Variants in FAM210A observed in about 807,000 individuals in gnomAD.
FAM210A encodes family with sequence similarity 210 member A.
In FAM210A, 13 loss-of-function variants were observed where a neutral mutation model predicts 25.3. The ratio of observed to expected loss-of-function variants is 0.51; its 90% CI spans 0.33 to 0.82. The LOEUF (loss-of-function observed/expected upper bound fraction) is 0.82. Among genes scored for constraint, FAM210A ranks in the 40% least tolerant of loss-of-function variants. FAM210A has a pLI of 0.02. For synonymous variants in FAM210A, 125 were observed against 118.7 expected (o/e 1.05, Z -0.35); for missense variants, 319 against 323.2 (o/e 0.99, Z 0.10).
At chr18:13,713,686 T>C (rs1047320336) in intron 1 of FAM210A, among the ~76,000 whole-genome samples, 1 of 149,150 alleles carries the variant, frequency 6.7e-6, no homozygotes, top group Non-Finnish European at 1.5e-5. Flanking sequence ...CATCTTCCAC[T>C]GCTTCCGTGA....
chr18:13,686,400 G>C (rs567740556), intron 1 of FAM210A, among the ~76,000 whole-genome samples: 1 of 152,118 alleles, frequency 6.6e-6, no homozygotes, highest in Non-Finnish European at 1.5e-5. Context: ...ATAGCTTAAC[G>C]TATAGCCAAT....
Position 13,681,751 on chromosome 18 carries a change from C to T in FAM210A, c.327G>A (p.Lys109=), listed in dbSNP as rs34798758. The change falls in exon 2 of 4, where the codon AAG becomes AAA. Residue 109 remains lysine, a synonymous_variant. Coordinates refer to ENST00000651643, the MANE Select transcript of FAM210A (RefSeq NM_152352.4). ...SATAQGTPEK[K]EEPDPLQDKS... ...TGTCTTGCAAAGGATCAGGCTCTTC[C>T]TTTTTTTCCGGAGTTCCCTGAGCTG... 5,733 of 1,614,110 alleles carry T rather than the reference C, an allele frequency of 3.6e-3. 121 individuals carry two copies. In the African/African-American group the frequency reaches 0.04, roughly 11 times the overall value.
Position 13,682,010 on chromosome 18 carries a change from G to C in FAM210A, c.68C>G (p.Ala23Gly), listed in dbSNP as rs769212391. Residue 23 changes from alanine (A) to glycine (G), a missense_variant, in exon 2 of 4, where the codon GCT (alanine) becomes GGT (glycine). By Grantham distance (60) the Ala-to-Gly change is moderately conservative (BLOSUM62 0). Transcript: ENST00000651643. ...ATTTTGACAGTGTCCAAAGAGACCA[G>C]CATTATGTGGTTCCAAGCATGTCCT... ...ARRTCLEPHN[A>G]GLFGHCQNVK... 6.2e-7 allele frequency: 1 copy of C among 1,613,926 alleles called. No individual in the cohort carries two copies. The highest frequency in any genetic ancestry group is 8.5e-7 in the Non-Finnish European group (1 of 1,179,986).
chr18:13,676,473 T>C (rs1013806191), intron 2 of FAM210A, among the ~76,000 whole-genome samples: 3 of 151,806 alleles, frequency 2.0e-5, no homozygotes, highest in Non-Finnish European at 4.4e-5. Flanking sequence ...TCCTGATTAT[T>C]AACATTCCTG....
chr18:13,701,982 T>A (rs982593274), intron 1 of FAM210A, among the ~76,000 whole-genome samples: 2 of 152,238 alleles, frequency 1.3e-5, no homozygotes, highest in African/African-American at 4.8e-5. Flanking sequence ...GCCAGTTCGA[T>A]AATTTGGCGC....
chr18:13,691,282 GGTGTACCT>G (rs560328085), intron 1 of FAM210A, among the ~76,000 whole-genome samples: 76 of 152,312 alleles, frequency 5.0e-4, no homozygotes, highest in African/African-American at 1.8e-3. Flanking sequence ...ACGTCTGATT[GGTGTACCT>G]GAAAGTGATG....
intron 1 of FAM210A, among the ~76,000 whole-genome samples, chr18:13,725,899 G>C (rs879681290): frequency 5.3e-5 from 8 of 152,264 alleles, no homozygotes; most frequent in Non-Finnish European, 1.0e-4. Flanking sequence ...GGTAAGAATG[G>C]CCTCTTGTGG....
intron 1 of FAM210A, among the ~76,000 whole-genome samples, chr18:13,706,696 T>C (rs559455003): frequency 1.1e-3 from 163 of 152,308 alleles, no homozygotes; most frequent in African/African-American, 3.8e-3. Flanking sequence ...GTTTCTACTG[T>C]AAAGGCTATT....
At chr18:13,696,702 A>G (rs1467541222) in intron 1 of FAM210A, among the ~76,000 whole-genome samples, 1 of 152,244 alleles carries the variant, frequency 6.6e-6, no homozygotes, top group Non-Finnish European at 1.5e-5. Flanking sequence ...CATTTTTAAC[A>G]AAAAGTTTAA....
Position 13,682,000 on chromosome 18 carries a change from A to G in FAM210A, c.78T>C (p.Phe26=). Residue 26 remains phenylalanine, a synonymous_variant, in exon 2 of 4, where the codon TTT becomes TTC. Coordinates refer to ENST00000651643, the MANE Select transcript of FAM210A (RefSeq NM_152352.4). Reference sequence around the variant, plus strand: ...GTCCCTTTACATTTTGACAGTGTCCAAAGAGACCAGCATTATGTGGTTCCA... The same window carrying G: ...GTCCCTTTACATTTTGACAGTGTCCGAAGAGACCAGCATTATGTGGTTCCA... ...TCLEPHNAGL[F]GHCQNVKGPL... is the part of the protein sequence containing the mutation. 5 of 1,614,208 alleles carry G rather than the reference A, an allele frequency of 3.1e-6. No homozygotes were observed. Among genetic ancestry groups the G allele is most frequent in the Middle Eastern group, 1.6e-4 (1 of 6,062 alleles).
intron 3 of FAM210A, among the ~76,000 whole-genome samples, chr18:13,671,270 G>C (rs2043439610): frequency 6.6e-6 from 1 of 151,776 alleles, no homozygotes; most frequent in Non-Finnish European, 1.5e-5. Context: ...TAAACTCTCT[G>C]CTCCTTAAAA....
rs1415063613 is a variant in FAM210A, at chr18:13,671,878, G to C, written c.569C>G (p.Ala190Gly). The change falls in exon 3 of 4, where the codon GCA (alanine) becomes GGA (glycine). Residue 190 changes from alanine (A) to glycine (G), a missense_variant. Physicochemically the swap from Ala to Gly is moderately conservative, Grantham distance 60. Transcript: ENST00000651643. The stretch of plus-strand genomic sequence containing the variant: ...AGTACCCACCTTAAACAAGGCATAT[G>C]CTGTGAGGGCATTTCCACTCTGGGA... ...KNSQSGNALTAYALFKIATPA... is the reference protein window; with the variant it reads ...KNSQSGNALTGYALFKIATPA... The C allele has an allele frequency of 1.2e-6, 2 of 1,611,890 alleles. No homozygotes were observed. The highest frequency in any genetic ancestry group is 1.7e-5 in the Admixed American group (1 of 59,960).
chr18:13,674,950 A>T (rs1193006678), intron 2 of FAM210A, among the ~76,000 whole-genome samples: 30 of 126,900 alleles, frequency 2.4e-4, no homozygotes, highest in Admixed American at 2.3e-3. Flanking sequence ...ACTTATTTCC[A>T]GTTTCCTGAT....
At chr18:13,717,753 C>G (rs893730990) in intron 1 of FAM210A, among the ~76,000 whole-genome samples, 5 of 152,212 alleles carry the variant, frequency 3.3e-5, no homozygotes, top group Middle Eastern at 3.4e-3. Context: ...CCCAATGCAC[C>G]AGAATGTCAG....
At position 13,706,977 on chromosome 18, in the gene FAM210A, G is replaced by T. The variant is rs558886084; in HGVS notation, c.-29+19352C>A. On this transcript the variant is annotated intron_variant, in intron 1 of 3. Transcript: ENST00000651643. ...GTAAGAAGCATACTCCAAACTCTTG[G>T]TACTATCCTCCCGACAGTCATGATA... Among the ~76,000 whole-genome samples the T allele has an allele frequency of 2.8e-4, 43 of 152,218 alleles. 2 individuals are homozygous for T. The South Asian group carries it at 8.1e-3, about 29-fold the overall frequency.
chr18:13,681,758 T>C lies in FAM210A; in HGVS notation c.320A>G (p.Glu107Gly), dbSNP rs2043555295. ...SSSATAQGTP[E>G]KKEEPDPLQD... ...CAAAGGATCAGGCTCTTCCTTTTTTTCCGGAGTTCCCTGAGCTGTGGCACT... is the reference window on the plus strand; with the variant it reads ...CAAAGGATCAGGCTCTTCCTTTTTTCCCGGAGTTCCCTGAGCTGTGGCACT... The change falls in exon 2 of 4, where the codon GAA (glutamate) becomes GGA (glycine). Residue 107 changes from glutamate to glycine, a missense_variant. By Grantham distance (98) the Glu-to-Gly change is moderately conservative. Transcript: ENST00000651643. 3 of 1,614,084 alleles carry C rather than the reference T, an allele frequency of 1.9e-6. No homozygotes were observed. Among genetic ancestry groups the C allele is most frequent in the East Asian group, 2.2e-5 (1 of 44,894 alleles).
Position 13,717,883 on chromosome 18 carries a change from A to C in FAM210A, c.-29+8446T>G, listed in dbSNP as rs147778480. On this transcript the variant is annotated intron_variant, in intron 1 of 3. Transcript: ENST00000651643. The stretch of plus-strand genomic sequence containing the variant: ...GAGACAGAGTTTTCTGCTGGCCTCA[A>C]GGAAACAAGGTACCGTATGATGAAC... Among the ~76,000 whole-genome samples the C allele has an allele frequency of 8.1e-3, 1,227 of 152,320 alleles. 9 individuals carry two copies. The highest frequency in any genetic ancestry group is 0.012 in the Non-Finnish European group (818 of 68,020).
At chr18:13,704,182 A>G (rs1050474021) in intron 1 of FAM210A, among the ~76,000 whole-genome samples, 2 of 152,202 alleles carry the variant, frequency 1.3e-5, no homozygotes, top group African/African-American at 4.8e-5. Context: ...GCGTGTGAGG[A>G]AAGTGAAATG....
At chr18:13,723,168 G>C (rs1403625593) in intron 1 of FAM210A, among the ~76,000 whole-genome samples, 1 of 152,030 alleles carries the variant, frequency 6.6e-6, no homozygotes, top group Non-Finnish European at 1.5e-5. Context: ...ATCACACCAG[G>C]GACTATCAGT....
Sources: allele counts gnomAD v4.1 joint callset (sites outside exome capture counted in the v4.1 genomes callset), GRCh38; gene constraint gnomAD v4.1.1; transcripts MANE v1.5; gene names NCBI Gene and HGNC (gene_info 2026-07-23, HGNC 2026-07-21).